ARHGAP15: variants seen among roughly 807,000 people sequenced by gnomAD.
The protein encoded by ARHGAP15 is rho GTPase-activating protein 15.
In ARHGAP15, 51 loss-of-function variants were observed where a neutral mutation model predicts 63.7. The ratio of observed to expected loss-of-function variants is 0.80; its 90% confidence interval spans 0.64 to 1.01. ARHGAP15 has a LOEUF of 1.01. Among genes scored for constraint, ARHGAP15 ranks in the 50% least tolerant of loss-of-function variants. The pLI is 0.00. For synonymous variants in ARHGAP15, 191 were observed against 193.8 expected (o/e 0.99, Z 0.12); for missense variants, 560 against 564.6 (o/e 0.99, Z 0.08).
chr2:143,581,642 T>C lies in ARHGAP15; in HGVS notation c.1003+25157T>C, dbSNP rs1488051723. Reference sequence around the variant, plus strand: ...GAGGGCTTGTTACCTTTACCTCTACTGCCTGGCAAAGGGATTAGTACAACA... The same window carrying C: ...GAGGGCTTGTTACCTTTACCTCTACCGCCTGGCAAAGGGATTAGTACAACA... On this transcript the variant is annotated intron_variant, in intron 11 of 13. Coordinates refer to ENST00000295095, the MANE Select transcript of ARHGAP15 (RefSeq NM_018460.4). Among the ~76,000 whole-genome samples, 4 of 152,168 alleles carry C rather than the reference T, an allele frequency of 2.6e-5. No individual in the cohort carries two copies. In the East Asian group the frequency reaches 7.7e-4, roughly 29 times the overall value.
At chr2:143,577,084 T>G (rs1260486615) in intron 11 of ARHGAP15, among the ~76,000 whole-genome samples, 1 of 152,146 alleles carries the variant, frequency 6.6e-6, no homozygotes, top group Non-Finnish European at 1.5e-5. Context: ...TCTTCCCACT[T>G]TACCTTCACT....
intron 6 of ARHGAP15, among the ~76,000 whole-genome samples, chr2:143,269,376 A>G (rs1324948065): frequency 6.6e-6 from 1 of 152,182 alleles, no homozygotes; most frequent in East Asian, 1.9e-4. Flanking sequence ...TGATCCTTAC[A>G]ATCAACTTGC....
intron 13 of ARHGAP15, among the ~76,000 whole-genome samples, chr2:143,708,003 C>T (rs1475864149): frequency 1.3e-5 from 2 of 152,012 alleles, no homozygotes; most frequent in East Asian, 3.9e-4. Context: ...CTTTTTACCC[C>T]CTAATAATGG....
chr2:143,335,714 C>T (rs1218385255), intron 6 of ARHGAP15, among the ~76,000 whole-genome samples: 1 of 152,144 alleles, frequency 6.6e-6, no homozygotes, highest in Non-Finnish European at 1.5e-5. Context: ...AAGCAAGTCT[C>T]TCAGTGTTTT....
At chr2:143,224,107 G>A (rs1225937805) in intron 4 of ARHGAP15, among the ~76,000 whole-genome samples, 2 of 152,184 alleles carry the variant, frequency 1.3e-5, no homozygotes, top group Admixed American at 1.3e-4. Flanking sequence ...ATGCCAGGTG[G>A]CATACCTGGA....
chr2:143,444,021 A>AGGGCG (rs1690018137), intron 8 of ARHGAP15, among the ~76,000 whole-genome samples: 1 of 152,138 alleles, frequency 6.6e-6, no homozygotes, highest in Non-Finnish European at 1.5e-5. Context: ...TGACCTGTGG[A>AGGGCG]TGTCCATTGT....
At chr2:143,611,337 CAAAATAA>C (rs751147126) in intron 11 of ARHGAP15, among the ~76,000 whole-genome samples, 4 of 152,026 alleles carry the variant, frequency 2.6e-5, no homozygotes, top group Non-Finnish European at 5.9e-5. Context: ...GGTGGTTTTG[CAAAATAA>C]TTTGTGAGAT....
intron 3 of ARHGAP15, among the ~76,000 whole-genome samples, chr2:143,211,440 A>G (rs866807430): frequency 7.9e-5 from 12 of 152,270 alleles, no homozygotes; most frequent in Middle Eastern, 3.4e-3. Flanking sequence ...TGTGCTCTTT[A>G]ATAGAAATCA....
chr2:143,479,173 ATC>A (rs1461652608), intron 8 of ARHGAP15, among the ~76,000 whole-genome samples: 3 of 152,242 alleles, frequency 2.0e-5, no homozygotes, highest in African/African-American at 7.2e-5. Context: ...ATGGTTCAGA[ATC>A]TGAGTCCATA....
intron 6 of ARHGAP15, among the ~76,000 whole-genome samples, chr2:143,311,033 GT>G (rs1683421488): frequency 6.6e-6 from 1 of 151,896 alleles, no homozygotes; most frequent in African/African-American, 2.4e-5. Flanking sequence ...ATTTTTAAGG[GT>G]TGTTATTTTT....
At chr2:143,344,230 A>AG (rs1685175923) in intron 6 of ARHGAP15, 1 of 152,130 alleles carries the variant, frequency 6.6e-6, no homozygotes, top group African/African-American at 2.4e-5. Context: ...TGAGTAGAAA[A>AG]GTAGTATAGG....
intron 9 of ARHGAP15, among the ~76,000 whole-genome samples, chr2:143,516,350 C>T (rs1693818660): frequency 6.6e-6 from 1 of 152,178 alleles, no homozygotes; most frequent in Non-Finnish European, 1.5e-5. Context: ...TAAAACAAAA[C>T]AATTTCTCCA....
chr2:143,717,351 TCA>T (rs1395595991), intron 13 of ARHGAP15, among the ~76,000 whole-genome samples: 1 of 152,222 alleles, frequency 6.6e-6, no homozygotes, highest in Non-Finnish European at 1.5e-5. Context: ...TCCTTTCAGT[TCA>T]CCTTTAATTC....
chr2:143,444,004 C>T (rs1468751226), intron 8 of ARHGAP15, among the ~76,000 whole-genome samples: 1 of 152,184 alleles, frequency 6.6e-6, no homozygotes, highest in Non-Finnish European at 1.5e-5. Flanking sequence ...GGGCTGATCT[C>T]GCCCTCTGAC....
At chr2:143,723,510 G>T (rs533586717) in intron 13 of ARHGAP15, among the ~76,000 whole-genome samples, 111 of 152,288 alleles carry the variant, frequency 7.3e-4, no homozygotes, top group African/African-American at 2.5e-3. Flanking sequence ...TGGTATTTTT[G>T]ATATGAATCT....
At chr2:143,481,174 T>G (rs912309258) in intron 8 of ARHGAP15, among the ~76,000 whole-genome samples, 2 of 152,152 alleles carry the variant, frequency 1.3e-5, no homozygotes, top group Non-Finnish European at 2.9e-5. Flanking sequence ...AAGCTACTGT[T>G]GCCAGCTTTG....
Position 143,274,283 on chromosome 2 carries a change from T to C in ARHGAP15, c.474+23683T>C, listed in dbSNP as rs1681437303. 3.3e-5 allele frequency among the ~76,000 whole-genome samples: 5 copies of C among 152,272 alleles called. No homozygotes were observed. In the South Asian group the frequency reaches 1.0e-3, roughly 32 times the overall value. ...GTTCAGAATTTTAGGAGTACAAAGC[T>C]GTCTTTAATAACTAGTTTGTTTCCA... is the stretch of plus-strand genomic sequence containing the variant. On this transcript the variant is annotated intron_variant, in intron 6 of 13. Coordinates refer to ENST00000295095, the MANE Select transcript of ARHGAP15 (RefSeq NM_018460.4).
At chr2:143,742,644 A>C (rs1023435187) in intron 13 of ARHGAP15, among the ~76,000 whole-genome samples, 1 of 152,252 alleles carries the variant, frequency 6.6e-6, no homozygotes, top group Admixed American at 6.5e-5. Flanking sequence ...TGTCCAACTC[A>C]ACCAGTTGCT....
At chr2:143,551,839 T>G (rs766630894) in intron 10 of ARHGAP15, among the ~76,000 whole-genome samples, 6 of 152,194 alleles carry the variant, frequency 3.9e-5, no homozygotes, top group Non-Finnish European at 8.8e-5. Flanking sequence ...AATTATATCC[T>G]GTACTCTCAG....
Sources: allele counts gnomAD v4.1 joint callset (sites outside exome capture counted in the v4.1 genomes callset), GRCh38; gene constraint gnomAD v4.1.1; transcripts MANE v1.5; gene names NCBI Gene and HGNC (gene_info 2026-07-23, HGNC 2026-07-21).